The following GRIK1 variants were observed in gnomAD, a reference collection of about 807,000 sequenced individuals.
The protein encoded by GRIK1 is glutamate receptor ionotropic, kainate 1.
Under a neutral mutation model 105.7 loss-of-function variants are expected in GRIK1, and 69 were observed. The observed-to-expected ratio is 0.65, with a 90% CI of 0.54 to 0.80. The LOEUF is 0.80. GRIK1 is among the 30% of genes least tolerant of loss of function. The pLI is 0.00. For synonymous variants in GRIK1, 438 were observed against 431.3 expected (o/e 1.02, Z -0.19); for missense variants, 1,109 against 1,167.3 (o/e 0.95, Z 0.73).
chr21:29,652,339 A>G (rs1209302725), intron 5 of GRIK1, among the ~76,000 whole-genome samples: 1 of 152,156 alleles, frequency 6.6e-6, no homozygotes, highest in East Asian at 1.9e-4. Flanking sequence ...CTCCTGGCCG[A>G]AAAAAAATCA....
chr21:29,644,747 T>C (rs538090193), intron 6 of GRIK1, among the ~76,000 whole-genome samples: 1 of 152,344 alleles, frequency 6.6e-6, no homozygotes, highest in African/African-American at 2.4e-5. Context: ...ACCACTTTGC[T>C]GTACTAATTC....
chr21:29,934,436 A>G (rs1247361376), intron 1 of GRIK1, among the ~76,000 whole-genome samples: 1 of 152,100 alleles, frequency 6.6e-6, no homozygotes, highest in East Asian at 1.9e-4. Flanking sequence ...ACACTATCAG[A>G]TGCTTTCTCT....
intron 1 of GRIK1, among the ~76,000 whole-genome samples, chr21:29,734,995 C>G (rs1033246050): frequency 2.0e-5 from 3 of 152,146 alleles, no homozygotes; most frequent in Admixed American, 6.5e-5. Flanking sequence ...AAAGAGACCT[C>G]CCTGCCTATC....
intron 1 of GRIK1, among the ~76,000 whole-genome samples, chr21:29,780,038 C>G (rs1030987965): frequency 3.5e-4 from 53 of 152,202 alleles, no homozygotes; most frequent in African/African-American, 1.2e-3. Context: ...TATCTAACTT[C>G]TATGACCTTA....
At chr21:29,575,712 G>A (rs375285650) in intron 14 of GRIK1, among the ~76,000 whole-genome samples, 1 of 151,950 alleles carries the variant, frequency 6.6e-6, no homozygotes, top group South Asian at 2.1e-4. Flanking sequence ...GGCACCTGTC[G>A]TCCCAGCTAC....
chr21:29,763,300 C>T (rs2065574881), intron 1 of GRIK1, among the ~76,000 whole-genome samples: 1 of 152,178 alleles, frequency 6.6e-6, no homozygotes, highest in Non-Finnish European at 1.5e-5. Context: ...TTGCCTTCTG[C>T]CATGATTGTA....
chr21:29,828,702 G>A (rs2067544509), intron 1 of GRIK1, among the ~76,000 whole-genome samples: 1 of 152,028 alleles, frequency 6.6e-6, no homozygotes. Flanking sequence ...GCCTCACTAT[G>A]TTGCCCAGAA....
intron 1 of GRIK1, among the ~76,000 whole-genome samples, chr21:29,821,738 G>T (rs1297420606): frequency 6.6e-6 from 1 of 151,902 alleles, no homozygotes; most frequent in African/African-American, 2.4e-5. Flanking sequence ...TGCCATGTAT[G>T]GTCTGTAAGT....
At chr21:29,800,983 G>A (rs2066691956) in intron 1 of GRIK1, among the ~76,000 whole-genome samples, 1 of 152,080 alleles carries the variant, frequency 6.6e-6, no homozygotes, top group African/African-American at 2.4e-5. Context: ...CAAAACAAGG[G>A]CCATGATCTC....
intron 9 of GRIK1, among the ~76,000 whole-genome samples, chr21:29,594,219 G>A (rs989689098): frequency 7.9e-5 from 12 of 152,180 alleles, no homozygotes; most frequent in African/African-American, 2.7e-4. Context: ...GTGCACGCAT[G>A]TGTGTACCTG....
chr21:29,622,519 C>A (rs2062028795), intron 7 of GRIK1, among the ~76,000 whole-genome samples: 1 of 152,176 alleles, frequency 6.6e-6, no homozygotes, highest in South Asian at 2.1e-4. Context: ...TTGGTTATCC[C>A]TGGTCTACAA....
intron 1 of GRIK1, among the ~76,000 whole-genome samples, chr21:29,878,907 C>A (rs2069291428): frequency 6.6e-6 from 1 of 152,072 alleles, no homozygotes; most frequent in African/African-American, 2.4e-5. Context: ...CACCAGTCAC[C>A]AAATTTGCCA....
intron 4 of GRIK1, among the ~76,000 whole-genome samples, chr21:29,656,329 C>A (rs1292846002): frequency 2.4e-5 from 3 of 126,424 alleles, no homozygotes; most frequent in Non-Finnish European, 4.7e-5. Context: ...CCACTGCACT[C>A]CAGCCTGGGG....
intron 4 of GRIK1, among the ~76,000 whole-genome samples, chr21:29,655,552 C>T (rs363521): frequency 0.047 from 7,194 of 152,222 alleles, 560 homozygotes; most frequent in African/African-American, 0.16. Context: ...CTACTTACGA[C>T]TTAGCATAAT....
At chr21:29,553,533 T>TA in intron 16 of GRIK1, 1 of 197,154 alleles carries the variant, frequency 5.1e-6, no homozygotes, top group Non-Finnish European at 7.9e-6. Flanking sequence ...TGGGCACATC[T>TA]TTTTTTTTTT....
intron 1 of GRIK1, among the ~76,000 whole-genome samples, chr21:29,922,925 A>C (rs1435704052): frequency 6.6e-6 from 1 of 152,118 alleles, no homozygotes; most frequent in Non-Finnish European, 1.5e-5. Context: ...GCAGAACATA[A>C]AATGGTTTTC....
At position 29,702,934 on chromosome 21, in the gene GRIK1, G is replaced by C. The variant is rs956602000; in HGVS notation, c.119-8871C>G. Among the ~76,000 whole-genome samples, 4 of 152,326 alleles carry C rather than the reference G, an allele frequency of 2.6e-5. No homozygotes were observed. In the South Asian group the frequency reaches 8.3e-4, roughly 32 times the overall value. On this transcript the variant is annotated intron_variant, in intron 1 of 17. Coordinates refer to ENST00000327783, the MANE Select transcript of GRIK1 (RefSeq NM_001330994.2). Reference sequence around the variant, plus strand: ...CTGTCGTTTTAAGCCACTGTTGGTGGTAATTTGTGATGATAGACACAGGAA... The same window carrying C: ...CTGTCGTTTTAAGCCACTGTTGGTGCTAATTTGTGATGATAGACACAGGAA...
chr21:29,672,195 T>C (rs1177396622), intron 4 of GRIK1, among the ~76,000 whole-genome samples: 1 of 151,808 alleles, frequency 6.6e-6, no homozygotes, highest in Non-Finnish European at 1.5e-5. Context: ...GTAGCTGGTA[T>C]TACAGGCATG....
intron 1 of GRIK1, among the ~76,000 whole-genome samples, chr21:29,793,582 T>C (rs2066482010): frequency 6.6e-6 from 1 of 151,514 alleles, no homozygotes; most frequent in East Asian, 2.0e-4. Flanking sequence ...TTAAAGAGCA[T>C]GGCAGAGAAA....
Sources: gnomAD v4.1 joint callset for allele counts (sites outside exome capture counted in the v4.1 genomes callset) on GRCh38, gnomAD v4.1.1 for gene constraint, MANE v1.5 for transcripts, NCBI Gene and HGNC (gene_info 2026-07-23, HGNC 2026-07-21) for gene names.